Variants in RAF1 observed in about 807,000 individuals in gnomAD.
The protein encoded by RAF1 is RAF proto-oncogene serine/threonine-protein kinase.
RAF1 carries 27 observed loss-of-function variants against 81.1 expected under a neutral mutation model. The ratio of observed to expected loss-of-function variants is 0.33; its 90% CI spans 0.25 to 0.46. RAF1 has a LOEUF of 0.46. Among genes scored for constraint, RAF1 ranks in the 20% least tolerant of loss-of-function variants. The pLI, the probability that RAF1 is intolerant of heterozygous loss-of-function variation, is 1.00. For missense variants in RAF1, 598 were observed against 826.0 expected, an observed-to-expected ratio of 0.72 and a Z score of 3.38; for synonymous variants, 298 against 294.0, an observed-to-expected ratio of 1.01 and a Z score of -0.14.
chr3:12,596,684 TG>T (rs1258395492), intron 11 of RAF1, among the ~76,000 whole-genome samples: 1 of 152,176 alleles, frequency 6.6e-6, no homozygotes, highest in African/African-American at 2.4e-5. Context: ...TGAAAACAGT[TG>T]TAATTTTTAA....
intron 1 of RAF1, among the ~76,000 whole-genome samples, chr3:12,638,128 T>C (rs527312462): frequency 1.3e-5 from 2 of 152,346 alleles, no homozygotes; most frequent in East Asian, 1.9e-4. Flanking sequence ...TCAATGATTA[T>C]TGACTGCCTA....
At chr3:12,605,369 A>G (rs2058994278) in intron 6 of RAF1, among the ~76,000 whole-genome samples, 1 of 151,230 alleles carries the variant, frequency 6.6e-6, no homozygotes, top group Non-Finnish European at 1.5e-5. Flanking sequence ...CTCACTGCCT[A>G]CCACGTTCAA....
chr3:12,587,343 CTT>C, intron 14 of RAF1: 1 of 554,618 alleles, frequency 1.8e-6, no homozygotes. Flanking sequence ...CTCCAAATCA[CTT>C]TTGCTGAGAT....
intron 1 of RAF1, among the ~76,000 whole-genome samples, chr3:12,623,459 G>A (rs2059607200): frequency 6.6e-6 from 1 of 152,198 alleles, no homozygotes; most frequent in Admixed American, 6.5e-5. Context: ...GTCATTCATA[G>A]TATTTTATTT....
chr3:12,626,655 CAA>C (rs1247272472), intron 1 of RAF1, among the ~76,000 whole-genome samples: 2 of 151,048 alleles, frequency 1.3e-5, no homozygotes, highest in African/African-American at 4.9e-5. Context: ...ACTTTGGTAA[CAA>C]AAAGTTTATA....
intron 1 of RAF1, among the ~76,000 whole-genome samples, chr3:12,629,810 C>T (rs1575621009): frequency 6.6e-6 from 1 of 152,088 alleles, no homozygotes; most frequent in Non-Finnish European, 1.5e-5. Flanking sequence ...AAGGCATGAC[C>T]GGTCTGGGTC....
intron 14 of RAF1, among the ~76,000 whole-genome samples, chr3:12,586,612 C>T (rs1253393811): frequency 6.6e-6 from 1 of 152,178 alleles, no homozygotes; most frequent in African/African-American, 2.4e-5. Flanking sequence ...TCCAACACAA[C>T]TATCATGCCT....
At chr3:12,598,739 A>T (rs1439250701) in intron 11 of RAF1, among the ~76,000 whole-genome samples, 5 of 148,650 alleles carry the variant, frequency 3.4e-5, no homozygotes, top group Admixed American at 1.3e-4. Flanking sequence ...AAAAAAAAAA[A>T]AAAAAAAAAA....
Position 12,632,922 on chromosome 3 carries a change from A to G in RAF1, c.-26-14175T>C, listed in dbSNP as rs572316352. Among the ~76,000 whole-genome samples the G allele has an allele frequency of 7.2e-5, 11 of 152,322 alleles. No individual in the cohort carries two copies. In the South Asian group the frequency reaches 2.3e-3, roughly 32 times the overall value. On this transcript the variant is annotated intron_variant, in intron 1 of 17. Transcript: ENST00000442415. ...GGATCTCTTGACTGGAGGATTCCAG[A>G]CCCAGTTGAGAGTATGAATACTGTT...
rs1055790600 is a variant in RAF1, at chr3:12,609,221, T to G, written c.423+12A>C. ...CTCAACATGCCAGAAAGAGAAGAGA[T>G]CTGCAACTTACAAAGTTGTGTGTTG... On this transcript the variant is annotated intron_variant, in intron 4 of 17. Coordinates refer to ENST00000442415, the MANE Select transcript of RAF1 (RefSeq NM_001354689.3). The G allele has an allele frequency of 6.3e-7, 1 of 1,583,588 alleles. No individual in the cohort carries two copies. Among genetic ancestry groups the G allele is most frequent in the Non-Finnish European group, 8.7e-7 (1 of 1,152,406 alleles).
intron 10 of RAF1, 54 bp from the exon 10 acceptor site, chr3:12,599,862 A>G (rs1575564204): frequency 7.2e-7 from 1 of 1,384,414 alleles, no homozygotes. Context: ...TAATCTTTTG[A>G]TAATGAGGGC....
At chr3:12,590,596 G>A (rs2058482780) in intron 13 of RAF1, 1 of 618,374 alleles carries the variant, frequency 1.6e-6, no homozygotes, top group East Asian at 2.9e-5. Context: ...AAAGTGCTGG[G>A]ATTACAGGTG....
intron 8 of RAF1, among the ~76,000 whole-genome samples, chr3:12,601,300 T>C (rs1331145627): frequency 2.0e-5 from 3 of 152,240 alleles, no homozygotes; most frequent in East Asian, 1.9e-4. Context: ...CCATCATATA[T>C]GGATCTCAGC....
At chr3:12,598,346 A>G (rs116736283) in intron 11 of RAF1, among the ~76,000 whole-genome samples, 2,158 of 152,274 alleles carry the variant, frequency 0.014, 51 homozygotes, top group African/African-American at 0.046. Flanking sequence ...ATCATTCCAC[A>G]TGTACTTTAC....
intron 1 of RAF1, among the ~76,000 whole-genome samples, chr3:12,649,354 T>A (rs936690933): frequency 6.6e-6 from 1 of 152,078 alleles, no homozygotes; most frequent in African/African-American, 2.4e-5. Context: ...TCTCAGTAAT[T>A]TGGGAAATCA....
rs548169454 is a variant in RAF1 at position 12,637,456 on chromosome 3, G to A, written c.-26-18709C>T. On this transcript the variant is annotated intron_variant, in intron 1 of 17. Coordinates refer to ENST00000442415, the MANE Select transcript of RAF1 (RefSeq NM_001354689.3). Reference sequence around the variant, plus strand: ...ATTTTTGTATTTTCAGTAGAGACAGGGTTTCGACACGTTGACCAGGCTGTT... The same window carrying A: ...ATTTTTGTATTTTCAGTAGAGACAGAGTTTCGACACGTTGACCAGGCTGTT... 4.6e-5 allele frequency among the ~76,000 whole-genome samples: 7 copies of A among 151,708 alleles called. No homozygotes were observed. In the East Asian group the frequency reaches 1.4e-3, roughly 30 times the overall value.
At chr3:12,628,269 T>A (rs1435349080) in intron 1 of RAF1, among the ~76,000 whole-genome samples, 1 of 152,198 alleles carries the variant, frequency 6.6e-6, no homozygotes, top group Non-Finnish European at 1.5e-5. Context: ...GAGACCAGCC[T>A]GGGCTAATCC....
intron 1 of RAF1, among the ~76,000 whole-genome samples, chr3:12,631,730 G>C (rs2059867475): frequency 6.6e-6 from 1 of 152,220 alleles, no homozygotes; most frequent in African/African-American, 2.4e-5. Flanking sequence ...GGAGATGAGA[G>C]AGGGTGGAAA....
intron 1 of RAF1, among the ~76,000 whole-genome samples, chr3:12,635,780 T>C (rs1241594193): frequency 1.3e-5 from 2 of 150,782 alleles, no homozygotes; most frequent in Non-Finnish European, 2.9e-5. Flanking sequence ...GAGACCATCC[T>C]GGCTAACACG....
Sources: allele counts gnomAD v4.1 joint callset (sites outside exome capture counted in the v4.1 genomes callset), GRCh38; gene constraint gnomAD v4.1.1; transcripts MANE v1.5; gene names NCBI Gene and HGNC (gene_info 2026-07-23, HGNC 2026-07-21).